Variants in REDIC1 observed in about 807,000 individuals in gnomAD.
REDIC1 encodes the protein regulator of DNA class I crossover intermediates 1, also known as HEI10 Interacting Protein 1.
chr12:39,876,570 A>C, the REDIC1 span, among the ~76,000 whole-genome samples: 1 of 152,210 alleles, frequency 6.6e-6, no homozygotes, highest in South Asian at 2.1e-4. Context: ...CTAAATTAAA[A>C]ATTAAAGACT....
chr12:39,763,208 C>A, the REDIC1 span, among the ~76,000 whole-genome samples: 27 of 151,802 alleles, frequency 1.8e-4, no homozygotes, highest in Non-Finnish European at 3.1e-4. Context: ...AAATATATAT[C>A]CAGTTTAAAA....
the REDIC1 span, among the ~76,000 whole-genome samples, chr12:39,813,963 T>C: frequency 1.3e-5 from 2 of 152,226 alleles, no homozygotes; most frequent in Non-Finnish European, 2.9e-5. Context: ...AAAGTTTCAA[T>C]CTTGGACAAT....
At chr12:39,750,390 C>T in the REDIC1 span, among the ~76,000 whole-genome samples, 3 of 152,126 alleles carry the variant, frequency 2.0e-5, no homozygotes, top group African/African-American at 4.8e-5. Flanking sequence ...AACTACAAAC[C>T]ACTGCTCAAT....
At chr12:39,880,137 C>A in the REDIC1 span, among the ~76,000 whole-genome samples, 7 of 152,276 alleles carry the variant, frequency 4.6e-5, no homozygotes, top group Non-Finnish European at 7.3e-5. Context: ...CCCAAGGCCT[C>A]CCCAGAAGCT....
the REDIC1 span, chr12:39,871,920 T>C: frequency 6.2e-7 from 1 of 1,610,266 alleles, no homozygotes; most frequent in Non-Finnish European, 8.5e-7. Flanking sequence ...AAGTCTATCA[T>C]CTTCAACACC....
chr12:39,900,762 C>T, the REDIC1 span, among the ~76,000 whole-genome samples: 4 of 152,064 alleles, frequency 2.6e-5, no homozygotes, highest in African/African-American at 9.7e-5. Context: ...GGCCATACTG[C>T]CCAAGGTAAT....
chr12:39,688,337 A>T, the REDIC1 span, among the ~76,000 whole-genome samples: 1 of 152,254 alleles, frequency 6.6e-6, no homozygotes, highest in Non-Finnish European at 1.5e-5. Flanking sequence ...TGGAGGAGGT[A>T]ACTTTTGAGC....
At chr12:39,764,399 T>C in the REDIC1 span, 1 of 1,349,804 alleles carries the variant, frequency 7.4e-7, no homozygotes, top group African/African-American at 1.5e-5. Flanking sequence ...GATATTATAG[T>C]GTATCTAAAA....
the REDIC1 span, among the ~76,000 whole-genome samples, chr12:39,714,166 C>T: frequency 5.1e-4 from 4 of 7,852 alleles, no homozygotes; most frequent in East Asian, 3.0e-3. Context: ...TGCATATATG[C>T]GTATATGTAT....
At chr12:39,712,575 G>A in the REDIC1 span, among the ~76,000 whole-genome samples, 8 of 141,728 alleles carry the variant, frequency 5.6e-5, no homozygotes, top group Non-Finnish European at 9.3e-5. Context: ...ACGTATATAC[G>A]TATATATGTA....
chr12:39,843,384 A>C, the REDIC1 span, among the ~76,000 whole-genome samples: 1 of 152,068 alleles, frequency 6.6e-6, no homozygotes, highest in Non-Finnish European at 1.5e-5. Flanking sequence ...AATACTTCTT[A>C]CAGTAGTGAT....
chr12:39,826,883 G>T, the REDIC1 span, among the ~76,000 whole-genome samples: 1,744 of 43,082 alleles, frequency 0.04, 76 homozygotes, highest in East Asian at 0.3. Flanking sequence ...GCAATGCAAG[G>T]TTCTTTATGT....
chr12:39,711,881 ATGTG>A, the REDIC1 span, among the ~76,000 whole-genome samples: 6 of 121,954 alleles, frequency 4.9e-5, no homozygotes, highest in South Asian at 2.4e-4. Flanking sequence ...ATACACATGC[ATGTG>A]TATGTGTATA....
chr12:39,667,987 T>A, the REDIC1 span, among the ~76,000 whole-genome samples: 4 of 152,214 alleles, frequency 2.6e-5, no homozygotes, highest in African/African-American at 9.6e-5. Context: ...GTCTCCTGAA[T>A]ACAGCACACT....
At chr12:39,670,463 T>C in the REDIC1 span, among the ~76,000 whole-genome samples, 1 of 152,218 alleles carries the variant, frequency 6.6e-6, no homozygotes. Context: ...AGTACTGGGA[T>C]TAGAGGCATG....
chr12:39,739,742 A>G, the REDIC1 span, among the ~76,000 whole-genome samples: 2 of 152,326 alleles, frequency 1.3e-5, no homozygotes, highest in African/African-American at 4.8e-5. Flanking sequence ...ACCCCTGTCT[A>G]TATTCACATC....
chr12:39,898,971 GGTA>G, the REDIC1 span, among the ~76,000 whole-genome samples: 1 of 152,078 alleles, frequency 6.6e-6, no homozygotes, highest in East Asian at 1.9e-4. Context: ...GCCTGGCTTT[GGTA>G]TCAGGATGAT....
the REDIC1 span, among the ~76,000 whole-genome samples, chr12:39,723,013 G>A: frequency 2.3e-4 from 35 of 152,242 alleles, no homozygotes; most frequent in East Asian, 6.2e-3. Context: ...CAGCCACACC[G>A]CTGTGATTGA....
At chr12:39,822,610 A>C in the REDIC1 span, among the ~76,000 whole-genome samples, 1 of 152,178 alleles carries the variant, frequency 6.6e-6, no homozygotes, top group Non-Finnish European at 1.5e-5. Context: ...AAGGTTCACC[A>C]CCATTATCTT....
Sources: gnomAD v4.1 joint callset for allele counts (sites outside exome capture counted in the v4.1 genomes callset) on GRCh38, gnomAD v4.1.1 for gene constraint, MANE v1.5 for transcripts, NCBI Gene and HGNC (gene_info 2026-07-23, HGNC 2026-07-21) for gene names.